Variants in CEP72 observed in about 807,000 individuals in gnomAD.
CEP72 encodes centrosomal protein 72.
Under a neutral mutation model 65.7 loss-of-function variants are expected in CEP72, and 78 were observed. The ratio of observed to expected loss-of-function variants is 1.19; its 90% CI spans 0.99 to 1.43. The LOEUF is 1.43. Ranked by LOEUF, CEP72 falls within the 40% of genes most tolerant of loss-of-function variation. The pLI is 0.00. For synonymous variants in CEP72, 358 were observed against 351.7 expected (o/e 1.02, Z -0.20); for missense variants, 914 against 832.9 (o/e 1.10, Z -1.20).
Position 623,704 on chromosome 5 carries a change from AG to A in CEP72, c.404-764del, listed in dbSNP as rs1448801605. Reference sequence around the variant, plus strand: ...GGTCTCCTGGCGCACGTGTCTCCTGAGGGTGCCCTGTGTGCTGGGTGGAGAG... The same window carrying A: ...GGTCTCCTGGCGCACGTGTCTCCTGAGGTGCCCTGTGTGCTGGGTGGAGAG... On this transcript the variant is annotated intron_variant, in intron 3 of 11. Transcript: ENST00000264935. This position sits in a 1 kb window ranked among gnomAD's most constrained non-coding sequence, Gnocchi z 5.3. Among the ~76,000 whole-genome samples, 1 of 151,850 alleles carries A rather than the reference AG, an allele frequency of 6.6e-6. No homozygotes were observed. The highest frequency in any genetic ancestry group is 2.4e-5 in the African/African-American group (1 of 41,306).
chr5:649,640 T>G (rs1466248394), intron 11 of CEP72, among the ~76,000 whole-genome samples: 1 of 92,958 alleles, frequency 1.1e-5, no homozygotes, highest in Non-Finnish European at 2.2e-5. Context: ...GAGGTGTGAC[T>G]GTGAGGTGTG....
chr5:655,349 A>C, downstream of CEP72: 1 of 150,554 alleles, frequency 6.6e-6, no homozygotes, highest in African/African-American at 2.4e-5. This position sits in a 1 kb window ranked among gnomAD's most constrained non-coding sequence, Gnocchi z 5.0. Flanking sequence ...ACAGAGCAAG[A>C]CTCCGTCTCA....
chr5:653,173 C>T lies in CEP72; in HGVS notation c.*20C>T, dbSNP rs769000998. 2.7e-5 allele frequency: 43 copies of T among 1,581,080 alleles called. No homozygotes were observed. The East Asian group carries it at 9.2e-4, about 34-fold the overall frequency. Reference sequence around the variant, plus strand: ...TGCTGACTCCTGCCGAGAAGCTGGGCCACCCCTTAAGCTTCCTGGTAAAGT... The same window carrying T: ...TGCTGACTCCTGCCGAGAAGCTGGGTCACCCCTTAAGCTTCCTGGTAAAGT... On this transcript the variant is annotated 3_prime_UTR_variant, in exon 12 of 12. Transcript: ENST00000264935.
intron 9 of CEP72, chr5:641,613 A>G (rs1738032196): frequency 2.1e-6 from 2 of 973,554 alleles, no homozygotes; most frequent in Non-Finnish European, 2.4e-6. Context: ...CGTGGCCTTC[A>G]TCTGGAAGCC....
At chr5:664,974 GC>G (rs1373097739) in intron 2 of CEP72, 7 of 1,144,252 alleles carry the variant, frequency 6.1e-6, no homozygotes, top group Non-Finnish European at 8.6e-6. Context: ...GGGCCTGGCC[GC>G]CCCCCAGCCC....
rs754123232 is a variant in CEP72, at chr5:648,737, T to TG, written c.1778+822dup. ...GACTGTGAGGCGTGACTGTGAGGCA[T>TG]GACTGTGAGGTGTGGACTGTGAGGT... On this transcript the variant is annotated intron_variant, in intron 11 of 11. Transcript: ENST00000264935. 3.1e-4 allele frequency among the ~76,000 whole-genome samples: 15 copies of TG among 48,678 alleles called. 2 individuals are homozygous for TG. Among genetic ancestry groups the TG allele is most frequent in the Admixed American group, 2.4e-3 (9 of 3,816 alleles). 31.9% of individuals were successfully genotyped at this position (48,678 alleles called of 152,430 possible). A position where few individuals can be genotyped will look rare whatever the true frequency, so the allele number is the denominator to read the frequency against.
intron 1 of CEP72, among the ~76,000 whole-genome samples, chr5:614,035 A>G (rs1335971497): frequency 6.6e-6 from 1 of 152,190 alleles, no homozygotes; most frequent in Non-Finnish European, 1.5e-5. Flanking sequence ...TAGTGCTACA[A>G]GGTTTACAGG....
intron 1 of CEP72, among the ~76,000 whole-genome samples, chr5:618,546 G>A (rs539055329): frequency 6.6e-6 from 1 of 152,222 alleles, no homozygotes; most frequent in East Asian, 1.9e-4. Context: ...TGGGGCCACT[G>A]CGCTGGGATT....
chr5:671,978 T>C (rs1313520542), downstream of CEP72, among the ~76,000 whole-genome samples: 3 of 152,158 alleles, frequency 2.0e-5, no homozygotes, highest in African/African-American at 7.2e-5. Flanking sequence ...CACCTGCTTT[T>C]CTGGGATGGA....
At chr5:636,806 A>C (rs1737630681) in intron 6 of CEP72, among the ~76,000 whole-genome samples, 1 of 145,990 alleles carries the variant, frequency 6.8e-6, no homozygotes, top group African/African-American at 2.6e-5. Flanking sequence ...CAAGACTCCA[A>C]CTCAAAAAAA....
Position 644,283 on chromosome 5 carries a change from T to C in CEP72, c.1540-16T>C. On this transcript the variant is annotated splice_polypyrimidine_tract_variant and intron_variant, in intron 9 of 11. Transcript: ENST00000264935. ...AATTTGACTTGTGCACTTAAGTGTA[T>C]TTTCTGTGTCCGCAGGATGATTTGA... is the stretch of plus-strand genomic sequence containing the variant. 2 of 1,611,518 alleles carry C rather than the reference T, an allele frequency of 1.2e-6. No individual in the cohort carries two copies. Among genetic ancestry groups the C allele is most frequent in the South Asian group, 1.1e-5 (1 of 90,532 alleles).
At chr5:616,557 A>G (rs989321270) in intron 1 of CEP72, among the ~76,000 whole-genome samples, 3 of 152,102 alleles carry the variant, frequency 2.0e-5, no homozygotes, top group African/African-American at 7.2e-5. Context: ...GTATGATGTC[A>G]TGAGACTCTG....
chr5:616,378 T>G (rs548472366), intron 1 of CEP72, among the ~76,000 whole-genome samples: 135 of 152,344 alleles, frequency 8.9e-4, no homozygotes, highest in African/African-American at 3.0e-3. Flanking sequence ...GTCTCAGGTG[T>G]TTGTAATTGC....
In CEP72 at chr5:633,956, CT is replaced by C. The variant is rs1440894707; in HGVS notation, c.691+10del. 5.0e-6 allele frequency: 8 copies of C among 1,609,634 alleles called. No homozygotes were observed. The highest frequency in any genetic ancestry group is 6.8e-6 in the Non-Finnish European group (8 of 1,179,444). On this transcript the variant is annotated intron_variant, in intron 5 of 11. Coordinates refer to ENST00000264935, the MANE Select transcript of CEP72 (RefSeq NM_018140.4). ...CTCTCGTGGTTCCCAAGGTGCGCTG[CT>C]CATCTGCCAGGAGGCCAGTGGGTCC...
rs1306389995 is a variant in CEP72, at chr5:649,728, C to T, written c.1778+1812C>T. Among the ~76,000 whole-genome samples the T allele has an allele frequency of 1.4e-4, 7 of 51,308 alleles. 1 individual carries two copies. The highest frequency in any genetic ancestry group is 2.0e-4 in the Non-Finnish European group (6 of 30,026). The allele number at this position is 51,308 out of a possible 152,430, so 33.7% of individuals were successfully genotyped here. On this transcript the variant is annotated intron_variant, in intron 11 of 11. Coordinates refer to ENST00000264935, the MANE Select transcript of CEP72 (RefSeq NM_018140.4). ...TGGACTGTGAGGGGTGACCGTGAGGCGTGGACTGTGAGGCGTGGACTGTGA... is the reference window on the plus strand; with the variant it reads ...TGGACTGTGAGGGGTGACCGTGAGGTGTGGACTGTGAGGCGTGGACTGTGA...
the CEP72 span, among the ~76,000 whole-genome samples, chr5:673,052 T>G: frequency 6.6e-6 from 1 of 152,134 alleles, no homozygotes; most frequent in East Asian, 1.9e-4. Flanking sequence ...GTCAGCAGCT[T>G]TCTGCAGTAC....
chr5:647,492 C>T (rs1580013123), intron 10 of CEP72, among the ~76,000 whole-genome samples: 1 of 152,188 alleles, frequency 6.6e-6, no homozygotes, highest in East Asian at 1.9e-4. Flanking sequence ...AACCAGCAGA[C>T]AGGCCCAGTG....
Position 621,687 on chromosome 5 carries a change from G to A in CEP72, c.403+1426G>A, listed in dbSNP as rs551762253. ...TCTGGGGCCATCGTGGAGCCATGCG[G>A]GGCCGTGTCACCTCATCACAGGGAG... On this transcript the variant is annotated intron_variant, in intron 3 of 11. Transcript: ENST00000264935. Among the ~76,000 whole-genome samples the A allele has an allele frequency of 1.8e-4, 28 of 152,386 alleles. 1 individual carries two copies. In the South Asian group the frequency reaches 2.5e-3, roughly 14 times the overall value.
rs918887354 is a variant in CEP72, at chr5:653,289, T to C, written c.*136T>C. 3.4e-6 allele frequency: 3 copies of C among 891,220 alleles called. No homozygotes were observed. Among genetic ancestry groups the C allele is most frequent in the Non-Finnish European group, 4.8e-6 (3 of 619,924 alleles). The allele number at this position is 891,220 out of a possible 1,614,324, so 55.2% of individuals were successfully genotyped here. On this transcript the variant is annotated 3_prime_UTR_variant, in exon 12 of 12. Coordinates refer to ENST00000264935, the MANE Select transcript of CEP72 (RefSeq NM_018140.4). The stretch of plus-strand genomic sequence containing the variant: ...TGGTAATTATTTAGGATTTTTGGAA[T>C]GTATTCAGGACCTGTAGCTTGGTTT...
Sources: gnomAD v4.1 joint callset for allele counts (sites outside exome capture counted in the v4.1 genomes callset) on GRCh38, gnomAD v4.1.1 for gene constraint, Gnocchi (gnomAD v3.1) non-coding constraint, MANE v1.5 for transcripts, NCBI Gene and HGNC (gene_info 2026-07-23, HGNC 2026-07-21) for gene names.